Variants in TMEFF1 observed in about 807,000 individuals in gnomAD.
The protein encoded by TMEFF1 is transmembrane protein with EGF like and two follistatin like domains 1, also known as tomoregulin-1.
A neutral mutation model predicts 47.5 loss-of-function variants in TMEFF1; 20 were observed. The ratio of observed to expected loss-of-function variants is 0.42; its 90% CI spans 0.30 to 0.61. The LOEUF is 0.61. Among genes scored for constraint, TMEFF1 ranks in the 20% least tolerant of loss-of-function variants. The pLI is 0.19. For synonymous variants in TMEFF1, 162 were observed against 166.3 expected, an observed-to-expected ratio of 0.97 and a Z score of 0.20; for missense variants, 411 against 471.1, an observed-to-expected ratio of 0.87 and a Z score of 1.18.
intron 7 of TMEFF1, among the ~76,000 whole-genome samples, chr9:100,558,773 C>T (rs1436429372): frequency 2.6e-5 from 4 of 151,774 alleles, no homozygotes; most frequent in Admixed American, 6.6e-5. Flanking sequence ...TTGTTGAGCA[C>T]GGAACAATAC....
chr9:100,491,222 GT>G (rs1462728970), intron 1 of TMEFF1, among the ~76,000 whole-genome samples: 1 of 152,070 alleles, frequency 6.6e-6, no homozygotes, highest in Non-Finnish European at 1.5e-5. Context: ...TCATGGAATT[GT>G]TTTGTAGGCA....
At chr9:100,536,186 A>G (rs754268162) in intron 5 of TMEFF1, among the ~76,000 whole-genome samples, 5 of 152,208 alleles carry the variant, frequency 3.3e-5, no homozygotes, top group Non-Finnish European at 7.3e-5. Flanking sequence ...AACTAATGGT[A>G]TGTGTATATC....
chr9:100,545,674 A>G (rs1352586780), intron 5 of TMEFF1, among the ~76,000 whole-genome samples: 4 of 152,298 alleles, frequency 2.6e-5, no homozygotes, highest in Admixed American at 6.5e-5. Flanking sequence ...TTTCTTTTCT[A>G]TCACATTGTC....
At chr9:100,499,098 G>GA (rs1837711416) in intron 2 of TMEFF1, among the ~76,000 whole-genome samples, 1 of 151,860 alleles carries the variant, frequency 6.6e-6, no homozygotes, top group Non-Finnish European at 1.5e-5. Flanking sequence ...ACAATTCTTT[G>GA]AAAAAAATGT....
At chr9:100,532,335 C>G (rs1175339162) in intron 5 of TMEFF1, among the ~76,000 whole-genome samples, 2 of 152,056 alleles carry the variant, frequency 1.3e-5, no homozygotes, top group Non-Finnish European at 2.9e-5. Context: ...TTTTTGCAAC[C>G]TACTCATCTG....
chr9:100,511,261 G>A (rs749515840), intron 3 of TMEFF1, among the ~76,000 whole-genome samples: 6 of 152,186 alleles, frequency 3.9e-5, no homozygotes, highest in Non-Finnish European at 8.8e-5. Flanking sequence ...CTTATGAGGA[G>A]CATATGTCTA....
At chr9:100,505,441 A>C (rs866098184) in intron 2 of TMEFF1, among the ~76,000 whole-genome samples, 198 of 119,978 alleles carry the variant, frequency 1.7e-3, no homozygotes, top group South Asian at 8.9e-3. Context: ...AAAAAAAAAA[A>C]CAACTAAAAG....
At chr9:100,502,761 GA>G (rs1490923307) in intron 2 of TMEFF1, among the ~76,000 whole-genome samples, 1 of 152,174 alleles carries the variant, frequency 6.6e-6, no homozygotes, top group Non-Finnish European at 1.5e-5. Flanking sequence ...TGAACAGCTA[GA>G]AAATCCTTCC....
intron 5 of TMEFF1, among the ~76,000 whole-genome samples, chr9:100,517,260 C>T (rs1168865423): frequency 6.6e-6 from 1 of 152,050 alleles, no homozygotes; most frequent in African/African-American, 2.4e-5. Context: ...CTTTCATTTT[C>T]CTGTGGTGCT....
At position 100,542,568 on chromosome 9, in the gene TMEFF1, G is replaced by C. The variant is rs548373865; in HGVS notation, c.561-5176G>C. On this transcript the variant is annotated intron_variant, in intron 5 of 9. Transcript: ENST00000374879. ...TTATGTTCTACCTTAGCGCATAGCA[G>C]GTACTATTTCACTTTTAGCTATAAA... 8.5e-5 allele frequency among the ~76,000 whole-genome samples: 13 copies of C among 152,310 alleles called. No homozygotes were observed. In the South Asian group the frequency reaches 2.7e-3, roughly 32 times the overall value.
Position 100,576,722 on chromosome 9 carries a change from C to T in TMEFF1, c.*122C>T, listed in dbSNP as rs1175026091. 1 of 1,185,982 alleles carries T rather than the reference C, an allele frequency of 8.4e-7. No homozygotes were observed. The highest frequency in any genetic ancestry group is 1.2e-6 in the Non-Finnish European group (1 of 856,608). 73.5% of individuals were successfully genotyped at this position (1,185,982 alleles called of 1,614,324 possible). On this transcript the variant is annotated 3_prime_UTR_variant, in exon 10 of 10. Transcript: ENST00000374879. ...GACATTTTTAGTGTAGTACTGTTGG[C>T]TCGTATTTAGAATATTCAGCTACGA...
At chr9:100,551,573 T>C (rs1838827273) in intron 7 of TMEFF1, among the ~76,000 whole-genome samples, 2 of 152,244 alleles carry the variant, frequency 1.3e-5, no homozygotes, top group South Asian at 2.1e-4. Context: ...TTGTGTGTTC[T>C]AAAGCACTTG....
chr9:100,542,051 TA>T (rs1019570335), intron 5 of TMEFF1, among the ~76,000 whole-genome samples: 34 of 152,154 alleles, frequency 2.2e-4, no homozygotes, highest in Admixed American at 1.3e-3. Flanking sequence ...TGAATACTGA[TA>T]TTTTTTTTCT....
Position 100,550,113 on chromosome 9 carries a change from T to C in TMEFF1, c.728T>C (p.Leu243Ser), listed in dbSNP as rs1159527294. ...CTTACAGATACAGATGACACTAGTTTGTTGGGAAAGAAAGATGATGGACTA... is the reference window on the plus strand; with the variant it reads ...CTTACAGATACAGATGACACTAGTTCGTTGGGAAAGAAAGATGATGGACTA... ...GHCTDTDDTS[L>S]LGKKDDGLQY... The change falls in exon 7 of 10, where the codon TTG (leucine) becomes TCG (serine). Residue 243 changes from leucine (L) to serine (S), a missense_variant. Transcript: ENST00000374879. 6.2e-7 allele frequency: 1 copy of C among 1,611,546 alleles called. No individual in the cohort carries two copies. Among genetic ancestry groups the C allele is most frequent in the African/African-American group, 1.3e-5 (1 of 74,812 alleles).
At chr9:100,521,208 A>G (rs998518104) in intron 5 of TMEFF1, among the ~76,000 whole-genome samples, 1 of 152,204 alleles carries the variant, frequency 6.6e-6, no homozygotes, top group East Asian at 1.9e-4. Flanking sequence ...TGTCTGCTCA[A>G]TGGCTATTGT....
At chr9:100,564,313 G>A (rs1839079272) in intron 8 of TMEFF1, among the ~76,000 whole-genome samples, 1 of 152,182 alleles carries the variant, frequency 6.6e-6, no homozygotes, top group Non-Finnish European at 1.5e-5. Flanking sequence ...GACCTCAGGT[G>A]ATCCACCTGC....
intron 2 of TMEFF1, among the ~76,000 whole-genome samples, chr9:100,506,766 CA>C (rs58345253): frequency 0.016 from 703 of 43,396 alleles, 2 homozygotes; most frequent in African/African-American, 0.043. Context: ...GACTCCATCT[CA>C]AAAAAAAAAA....
At chr9:100,519,087 C>T (rs905681021) in intron 5 of TMEFF1, among the ~76,000 whole-genome samples, 2 of 152,036 alleles carry the variant, frequency 1.3e-5, no homozygotes, top group African/African-American at 4.8e-5. Flanking sequence ...TTATGAACTG[C>T]ATTGGAATCA....
chr9:100,510,500 C>T (rs763793670), intron 3 of TMEFF1, among the ~76,000 whole-genome samples: 1 of 152,160 alleles, frequency 6.6e-6, no homozygotes, highest in Admixed American at 6.5e-5. Flanking sequence ...GACTGCATCT[C>T]ACTCTGTTCC....
Sources: gnomAD v4.1 joint callset for allele counts (sites outside exome capture counted in the v4.1 genomes callset) on GRCh38, gnomAD v4.1.1 for gene constraint, MANE v1.5 for transcripts, NCBI Gene and HGNC (gene_info 2026-07-23, HGNC 2026-07-21) for gene names.